UNC13B: variants seen among roughly 807,000 people sequenced by gnomAD.
The protein encoded by UNC13B is protein unc-13 homolog B.
In UNC13B, 144 loss-of-function variants were observed where a neutral mutation model predicts 211.0. The observed-to-expected ratio is 0.68, with a 90% CI of 0.60 to 0.78. The LOEUF (loss-of-function observed/expected upper bound fraction) is 0.78. UNC13B is among the 30% of genes least tolerant of loss of function. The pLI is 0.00. For missense variants in UNC13B, 1,777 were observed against 2,002.0 expected (o/e 0.89, Z 2.14); for synonymous variants, 709 against 725.8 (o/e 0.98, Z 0.37).
chr9:35,399,137 C>A, intron 33 of UNC13B, 24 bp from the exon 34 acceptor site: 1 of 1,614,174 alleles, frequency 6.2e-7, no homozygotes, highest in Non-Finnish European at 8.5e-7. Context: ...TCACCCTGGT[C>A]TCACCTGTTG....
chr9:35,295,727 C>T lies in UNC13B; in HGVS notation c.558C>T (p.Asp186=). ...SFEDPDSAVD[D]RDSDYRSETS... The stretch of plus-strand genomic sequence containing the variant: ...AAGACCCTGATAGTGCCGTCGATGA[C>T]CGAGATAGTGACTATCGCAGTGAGA... The change falls in exon 8 of 40, where the codon GAC becomes GAT. Residue 186 remains aspartate, a synonymous_variant. Coordinates refer to ENST00000635942, the MANE Select transcript of UNC13B (RefSeq NM_001371189.2). 1 of 1,614,146 alleles carries T rather than the reference C, an allele frequency of 6.2e-7. No individual in the cohort carries two copies. The highest frequency in any genetic ancestry group is 8.5e-7 in the Non-Finnish European group (1 of 1,180,034).
chr9:35,252,237 A>C (rs955703164), intron 6 of UNC13B, among the ~76,000 whole-genome samples: 5 of 152,224 alleles, frequency 3.3e-5, no homozygotes, highest in Non-Finnish European at 7.3e-5. Flanking sequence ...TTCATTCATT[A>C]TGATGTTTTC....
intron 4 of UNC13B, among the ~76,000 whole-genome samples, 183 bp from the exon 5 acceptor site, chr9:35,237,520 C>G (rs1825579856): frequency 6.6e-6 from 1 of 152,130 alleles, no homozygotes; most frequent in Non-Finnish European, 1.5e-5. Flanking sequence ...CTCTCCCCAC[C>G]AAAGAGGGAA....
chr9:35,184,400 T>C (rs537785208), intron 1 of UNC13B, among the ~76,000 whole-genome samples: 1 of 152,122 alleles, frequency 6.6e-6, no homozygotes, highest in Non-Finnish European at 1.5e-5. Context: ...ATCAAGCCAC[T>C]GCACTCCAGC....
In UNC13B at chr9:35,241,514, A is replaced by G. The variant is rs747746938; in HGVS notation, c.395-1777A>G. On this transcript the variant is annotated intron_variant, in intron 5 of 39. Coordinates refer to ENST00000635942, the MANE Select transcript of UNC13B (RefSeq NM_001371189.2). ...TTCTTCCTATAGGCTACCACTATTAATACTTTCTTGTGTATCTTTCCAGAG... is the reference window on the plus strand; with the variant it reads ...TTCTTCCTATAGGCTACCACTATTAGTACTTTCTTGTGTATCTTTCCAGAG... 5.9e-5 allele frequency among the ~76,000 whole-genome samples: 9 copies of G among 152,014 alleles called. No homozygotes were observed. In the East Asian group the frequency reaches 1.7e-3, roughly 29 times the overall value.
At chr9:35,332,989 G>T (rs1369168400) in intron 11 of UNC13B, among the ~76,000 whole-genome samples, 1 of 152,172 alleles carries the variant, frequency 6.6e-6, no homozygotes, top group Non-Finnish European at 1.5e-5. Context: ...ACCTTTGGGG[G>T]ATGGAATTTG....
At chr9:35,353,266 T>C (rs1440297423) in intron 11 of UNC13B, 1 of 1,232,188 alleles carries the variant, frequency 8.1e-7, no homozygotes, top group East Asian at 3.2e-5. Context: ...TCAAGTTTTA[T>C]ACAAGTAAAC....
In UNC13B at chr9:35,398,973, G is replaced by A. The variant is rs1836085420; in HGVS notation, c.12013G>A (p.Ala4005Thr). The A allele has an allele frequency of 6.2e-7, 1 of 1,614,194 alleles. No individual in the cohort carries two copies. The highest frequency in any genetic ancestry group is 8.5e-7 in the Non-Finnish European group (1 of 1,180,032). ...GTGNASPDAR[A>T]SAAQDADSVL... ...AGGGAATGCATCTCCAGACGCCAGGGCCTCAGCGGCTCAGGATGCAGATAG... is the reference window on the plus strand; with the variant it reads ...AGGGAATGCATCTCCAGACGCCAGGACCTCAGCGGCTCAGGATGCAGATAG... Residue 4005 changes from alanine (A) to threonine (T), a missense_variant, in exon 33 of 40, where the codon GCC becomes ACC. Transcript: ENST00000635942.
chr9:35,301,722 A>G lies in UNC13B; in HGVS notation c.2318A>G (p.Asp773Gly), dbSNP rs1829697225. Residue 773 changes from aspartate (D) to glycine (G), a missense_variant, in exon 9 of 40, where the codon GAT (aspartate) becomes GGT (glycine). Physicochemically the swap from Asp to Gly is moderately conservative, Grantham distance 94. Coordinates refer to ENST00000635942, the MANE Select transcript of UNC13B (RefSeq NM_001371189.2). ...GATCAACAAAAAATATGTGCCAAAGATACTCCAGGACATCCTTGTATAGCT... is the reference window on the plus strand; with the variant it reads ...GATCAACAAAAAATATGTGCCAAAGGTACTCCAGGACATCCTTGTATAGCT... ...LPDQQKICAK[D>G]TPGHPCIAGS... is the part of the protein sequence containing the mutation. 2.5e-6 allele frequency: 1 copy of G among 398,790 alleles called. No individual in the cohort carries two copies. The highest frequency in any genetic ancestry group is 4.4e-6 in the Non-Finnish European group (1 of 225,948). 24.7% of individuals were successfully genotyped at this position (398,790 alleles called of 1,614,324 possible).
chr9:35,326,847 G>C (rs1225517800), intron 11 of UNC13B, among the ~76,000 whole-genome samples: 1 of 152,204 alleles, frequency 6.6e-6, no homozygotes, highest in African/African-American at 2.4e-5. Flanking sequence ...AAGCAAAACA[G>C]TGGCTAAGGA....
rs1390813959 is a variant in UNC13B, at chr9:35,378,658, A to G, written c.10205+222A>G. On this transcript the variant is annotated intron_variant, in intron 17 of 39. Coordinates refer to ENST00000635942, the MANE Select transcript of UNC13B (RefSeq NM_001371189.2). The stretch of plus-strand genomic sequence containing the variant: ...CCCATGCCCTGTCTTCACCAGGGCT[A>G]TTAAAGGGGCCCTAGGGCACCCCAT... Among the ~76,000 whole-genome samples the G allele has an allele frequency of 2.6e-5, 4 of 152,182 alleles. No individual in the cohort carries two copies. In the East Asian group the frequency reaches 5.8e-4, roughly 22 times the overall value.
intron 7 of UNC13B, chr9:35,291,176 G>C (rs1267536639): frequency 1.4e-6 from 2 of 1,418,824 alleles, no homozygotes; most frequent in East Asian, 5.0e-5. Context: ...TCTGAACTGT[G>C]AAGCTGGATA....
intron 7 of UNC13B, among the ~76,000 whole-genome samples, chr9:35,279,314 G>T (rs1828353597): frequency 6.6e-6 from 1 of 152,116 alleles, no homozygotes; most frequent in Admixed American, 6.6e-5. Flanking sequence ...TTTGTGACTG[G>T]TTTATTTAGC....
chr9:35,231,028 T>A, intron 2 of UNC13B, 92 bp from the exon 3 acceptor site: 1 of 805,728 alleles, frequency 1.2e-6, no homozygotes, highest in Middle Eastern at 3.0e-4. Context: ...TGTAATACTT[T>A]AATTTCTATA....
chr9:35,304,859 G>A lies in UNC13B; in HGVS notation c.5455G>A (p.Asp1819Asn). 2.5e-6 allele frequency: 1 copy of A among 398,856 alleles called. No homozygotes were observed. Among genetic ancestry groups the A allele is most frequent in the Non-Finnish European group, 4.4e-6 (1 of 225,974 alleles). 24.7% of individuals were successfully genotyped at this position (398,856 alleles called of 1,614,324 possible). A position where few individuals can be genotyped will look rare whatever the true frequency, so the allele number is the denominator to read the frequency against. Residue 1819 changes from aspartate to asparagine, a missense_variant, in exon 9 of 40, where the codon GAT becomes AAT. Physicochemically the swap from Asp to Asn is conservative, Grantham distance 23. Coordinates refer to ENST00000635942, the MANE Select transcript of UNC13B (RefSeq NM_001371189.2). ...AAATGTGGAAAAAAGTCTTCTTAAG[G>A]ATTCAGAAAGACAGATAGTATCCAA... ...SPNVEKSLLK[D>N]SERQIVSNVQ...
At chr9:35,376,471 G>A (rs1176032790) in intron 15 of UNC13B, among the ~76,000 whole-genome samples, 2 of 152,158 alleles carry the variant, frequency 1.3e-5, no homozygotes, top group African/African-American at 4.8e-5. Context: ...AAAATTCTTT[G>A]AGCTTTCTGT....
intron 1 of UNC13B, among the ~76,000 whole-genome samples, chr9:35,197,983 A>G (rs541156056): frequency 2.0e-5 from 3 of 152,328 alleles, no homozygotes; most frequent in African/African-American, 7.2e-5. Context: ...TAGGAGATAT[A>G]TAAGGATTTA....
At position 35,392,928 on chromosome 9, in the gene UNC13B, T is replaced by C. The variant is rs184561387; in HGVS notation, c.11308+2214T>C. On this transcript the variant is annotated intron_variant, in intron 26 of 39. Coordinates refer to ENST00000635942, the MANE Select transcript of UNC13B (RefSeq NM_001371189.2). ...TATAGACAATACAATAAGACCACTT[T>C]AAGAATACAATTTAATGAGTTTTGA... Among the ~76,000 whole-genome samples the C allele has an allele frequency of 4.6e-5, 7 of 152,320 alleles. No individual in the cohort carries two copies. In the East Asian group the frequency reaches 1.3e-3, roughly 29 times the overall value.
At chr9:35,166,552 A>C (rs982054968) in intron 1 of UNC13B, among the ~76,000 whole-genome samples, 5 of 152,024 alleles carry the variant, frequency 3.3e-5, no homozygotes, top group Admixed American at 2.0e-4. Flanking sequence ...TATGTTGCCT[A>C]GGCTGGATTT....
Sources: gnomAD v4.1 joint callset for allele counts (sites outside exome capture counted in the v4.1 genomes callset) on GRCh38, gnomAD v4.1.1 for gene constraint, MANE v1.5 for transcripts, NCBI Gene and HGNC (gene_info 2026-07-23, HGNC 2026-07-21) for gene names.